Variants in FAM219A observed in about 807,000 individuals in gnomAD.
FAM219A encodes protein FAM219A.
Under a neutral mutation model 23.4 loss-of-function variants are expected in FAM219A, and 7 were observed. The ratio of observed to expected loss-of-function variants is 0.30; its 90% CI spans 0.17 to 0.56. The LOEUF is 0.56. Ranked by LOEUF, FAM219A falls within the 20% of genes least tolerant of loss-of-function variation. The probability of loss-of-function intolerance (pLI) is 0.92; values close to 1 mark genes in which losing one functional copy is unlikely to be tolerated. For synonymous variants in FAM219A, 93 were observed against 99.0 expected, an observed-to-expected ratio of 0.94 and a Z score of 0.36; for missense variants, 166 against 246.9, an observed-to-expected ratio of 0.67 and a Z score of 2.20.
At chr9:34,437,136 G>A (rs753176625) in intron 1 of FAM219A, among the ~76,000 whole-genome samples, 1 of 152,126 alleles carries the variant, frequency 6.6e-6, no homozygotes, top group Non-Finnish European at 1.5e-5. Context: ...GCCAATTTCC[G>A]GGGCTCTATC....
chr9:34,431,659 G>A (rs1033569046), intron 1 of FAM219A, among the ~76,000 whole-genome samples: 1 of 152,172 alleles, frequency 6.6e-6, no homozygotes, highest in Non-Finnish European at 1.5e-5. Context: ...AGGATTGCTT[G>A]AGTCCAGGAG....
intron 1 of FAM219A, among the ~76,000 whole-genome samples, chr9:34,447,857 G>GA: frequency 6.6e-6 from 1 of 150,576 alleles, no homozygotes. Context: ...AGATCAAGTA[G>GA]AAAAAAACAG....
Position 34,458,525 on chromosome 9 carries a change from A to C in FAM219A, c.-262T>G. 2.7e-6 allele frequency: 1 copy of C among 376,928 alleles called. No individual in the cohort carries two copies. Among genetic ancestry groups the C allele is most frequent in the South Asian group, 3.9e-5 (1 of 25,720 alleles). 23.3% of individuals were successfully genotyped at this position (376,928 alleles called of 1,614,324 possible). ...AGCCGCAGGTCTTGCCTCGCCTCCT[A>C]CTCCGCTGCCGCCTCCTGTCAGCAG... On this transcript the variant is annotated 5_prime_UTR_variant, in exon 1 of 6. Transcript: ENST00000651358. The surrounding 1 kb of genome is among the most constrained non-coding windows in gnomAD (Gnocchi z 6.6).
intron 1 of FAM219A, among the ~76,000 whole-genome samples, chr9:34,442,501 A>C (rs1279751073): frequency 6.6e-6 from 1 of 152,178 alleles, no homozygotes; most frequent in Admixed American, 6.5e-5. Context: ...CCTGGAAAAC[A>C]TGGCAAAACT....
rs984503208 is a variant in FAM219A at position 34,400,898 on chromosome 9, T to G, written c.*66A>C. ...GGCAGGCAGACGAGCTGGGAAGGGG[T>G]CGGCCTCTGCCCGTCCTACCCGGCC... On this transcript the variant is annotated 3_prime_UTR_variant, in exon 6 of 6. Transcript: ENST00000651358. 1 of 1,423,270 alleles carries G rather than the reference T, an allele frequency of 7.0e-7. No individual in the cohort carries two copies. Among genetic ancestry groups the G allele is most frequent in the East Asian group, 2.7e-5 (1 of 37,356 alleles). The allele number at this position is 1,423,270 out of a possible 1,614,324, so 88.2% of individuals were successfully genotyped here. A position where few individuals can be genotyped will look rare whatever the true frequency, so the allele number is the denominator to read the frequency against.
At chr9:34,401,817 C>A in intron 4 of FAM219A, 97 bp from the exon 5 acceptor site, 1 of 1,312,880 alleles carries the variant, frequency 7.6e-7, no homozygotes, top group South Asian at 1.3e-5. Flanking sequence ...CTATACCTCC[C>A]TTACAGTTCC....
At chr9:34,447,730 T>C (rs1030408362) in intron 1 of FAM219A, among the ~76,000 whole-genome samples, 1 of 152,220 alleles carries the variant, frequency 6.6e-6, no homozygotes. Context: ...CTGAATCTGC[T>C]TCTTTCCCCC....
At chr9:34,403,819 C>T (rs1821536266) in intron 2 of FAM219A, among the ~76,000 whole-genome samples, 1 of 152,208 alleles carries the variant, frequency 6.6e-6, no homozygotes, top group South Asian at 2.1e-4. Context: ...AGGACCTTTA[C>T]AGCTACTGTG....
At chr9:34,454,111 T>C (rs922599960) in intron 1 of FAM219A, among the ~76,000 whole-genome samples, 2 of 152,190 alleles carry the variant, frequency 1.3e-5, no homozygotes, top group African/African-American at 4.8e-5. Context: ...GTCCAGTGGA[T>C]AGGTCTCTAA....
intron 1 of FAM219A, among the ~76,000 whole-genome samples, chr9:34,442,025 T>C (rs886763767): frequency 1.3e-5 from 2 of 152,326 alleles, no homozygotes; most frequent in East Asian, 1.9e-4. Flanking sequence ...CCAACTTTTA[T>C]AGTGGAGAGA....
At chr9:34,430,514 G>A (rs1179829501) in intron 1 of FAM219A, among the ~76,000 whole-genome samples, 1 of 151,420 alleles carries the variant, frequency 6.6e-6, no homozygotes, top group African/African-American at 2.4e-5. Flanking sequence ...GTGGGCGCTT[G>A]TAGTCCCAGC....
chr9:34,402,725 GTTC>G lies in FAM219A; in HGVS notation c.240_242del (p.Lys80del), dbSNP rs1290653571. The G allele has an allele frequency of 1.9e-6, 3 of 1,614,054 alleles. No homozygotes were observed. Among genetic ancestry groups the G allele is most frequent in the African/African-American group, 1.3e-5 (1 of 74,936 alleles). ...TCTACCTTGTTCGGGCCATGACATT[GTTC>G]TTCTTGGGTTGCTGGTTGACAGGGC... On this transcript the variant is annotated inframe_deletion, in exon 3 of 6. Transcript: ENST00000651358.
chr9:34,424,951 T>C lies in FAM219A; in HGVS notation c.61-18987A>G, dbSNP rs559365263. Among the ~76,000 whole-genome samples, 61 of 152,166 alleles carry C rather than the reference T, an allele frequency of 4.0e-4. No homozygotes were observed. The East Asian group carries it at 0.012, about 29-fold the overall frequency. ...TCCCGAGGAACTAGGACTACAGGTG[T>C]GTACCACCACACCCAGCTAATTTTT... On this transcript the variant is annotated intron_variant, in intron 1 of 5. Coordinates refer to ENST00000651358, the MANE Select transcript of FAM219A (RefSeq NM_001184940.2).
intron 1 of FAM219A, among the ~76,000 whole-genome samples, chr9:34,437,956 G>A (rs1332315782): frequency 6.6e-6 from 1 of 151,766 alleles, no homozygotes; most frequent in Non-Finnish European, 1.5e-5. Flanking sequence ...CGGGCTGCGC[G>A]TGGCGCTTGC....
At chr9:34,438,855 G>A (rs981758407) in intron 1 of FAM219A, among the ~76,000 whole-genome samples, 12 of 152,204 alleles carry the variant, frequency 7.9e-5, no homozygotes, top group South Asian at 4.1e-4. Flanking sequence ...GTGGCAACCC[G>A]CTCAGGTCCC....
Position 34,400,937 on chromosome 9 carries a change from C to G in FAM219A, c.*27G>C. ...TCCTACCCGGCCCTTGGCGGCCCCGCCCCGGCGACCGCAGTGGCCCCGCCC... is the reference window on the plus strand; with the variant it reads ...TCCTACCCGGCCCTTGGCGGCCCCGGCCCGGCGACCGCAGTGGCCCCGCCC... On this transcript the variant is annotated 3_prime_UTR_variant, in exon 6 of 6. Transcript: ENST00000651358. 4 of 1,509,368 alleles carry G rather than the reference C, an allele frequency of 2.7e-6. No homozygotes were observed. Among genetic ancestry groups the G allele is most frequent in the South Asian group, 2.6e-5 (2 of 77,110 alleles). 93.5% of individuals were successfully genotyped at this position (1,509,368 alleles called of 1,614,324 possible).
rs1821408732 is a variant in FAM219A, at chr9:34,401,077, G to A, written c.445C>T (p.Arg149Trp). 6 of 1,613,150 alleles carry A rather than the reference G, an allele frequency of 3.7e-6. No individual in the cohort carries two copies. The highest frequency in any genetic ancestry group is 5.1e-6 in the Non-Finnish European group (6 of 1,179,506). Reference protein sequence around the residue: ...LNIQLLKDGYRLDEIPDDEDL... With the variant: ...LNIQLLKDGYWLDEIPDDEDL... ...TCGTCGTCGGGGATCTCATCTAACC[G>A]GTAGCCGTCCTTCAGCAGCTGGATG... Residue 149 changes from arginine (R) to tryptophan (W), a missense_variant, in exon 6 of 6, where the codon CGG (arginine) becomes TGG (tryptophan). Coordinates refer to ENST00000651358, the MANE Select transcript of FAM219A (RefSeq NM_001184940.2).
rs528691131 is a variant in FAM219A, at chr9:34,439,068, C to T, written c.60+19136G>A. Among the ~76,000 whole-genome samples, 28 of 152,226 alleles carry T rather than the reference C, an allele frequency of 1.8e-4. No individual in the cohort carries two copies. The East Asian group carries it at 4.6e-3, about 25-fold the overall frequency. On this transcript the variant is annotated intron_variant, in intron 1 of 5. Coordinates refer to ENST00000651358, the MANE Select transcript of FAM219A (RefSeq NM_001184940.2). ...CTGCCTTAAGAGCTGTAACACTCAC[C>T]GCGAAGGTCTGCAGCTTCACTCCTG...
At chr9:34,413,121 C>T (rs570799581) in intron 1 of FAM219A, among the ~76,000 whole-genome samples, 1 of 150,658 alleles carries the variant, frequency 6.6e-6, no homozygotes, top group East Asian at 2.0e-4. Flanking sequence ...GAACTTTGGA[C>T]CATGGGAGGG....
Sources: gnomAD v4.1 joint callset for allele counts (sites outside exome capture counted in the v4.1 genomes callset) on GRCh38, gnomAD v4.1.1 for gene constraint, Gnocchi (gnomAD v3.1) non-coding constraint, MANE v1.5 for transcripts, NCBI Gene and HGNC (gene_info 2026-07-23, HGNC 2026-07-21) for gene names.